ST8SIA4: variants seen among roughly 807,000 people sequenced by gnomAD.
The protein encoded by ST8SIA4 is CMP-N-acetylneuraminate-poly-alpha-2,8-sialyltransferase.
Under a neutral mutation model 33.9 loss-of-function variants are expected in ST8SIA4, and 15 were observed. That is an observed-to-expected ratio of 0.44 (90% confidence interval 0.30 to 0.68). The LOEUF is 0.68. Among genes scored for constraint, ST8SIA4 ranks in the 30% least tolerant of loss-of-function variants. The pLI is 0.10. For missense variants in ST8SIA4, 321 were observed against 428.0 expected (o/e 0.75, Z 2.21); for synonymous variants, 171 against 151.2 (o/e 1.13, Z -0.96).
chr5:100,811,062 A>C lies in ST8SIA4; in HGVS notation c.*785T>G, dbSNP rs11748306. 0.24 allele frequency: 36,205 copies of C among 151,966 alleles called. 5,469 individuals are homozygous for C. The highest frequency in any genetic ancestry group is 0.33 in the Non-Finnish European group (22,399 of 68,156). 9.4% of individuals were successfully genotyped at this position (151,966 alleles called of 1,614,324 possible). On this transcript the variant is annotated 3_prime_UTR_variant, in exon 5 of 5. Transcript: ENST00000231461. ...CGTGGTGGCAGGCGCCTGCAGTCCC[A>C]GCTACTCCGGAGGCTGAGGCAGGAG...
At chr5:100,840,035 A>G (rs982377289) in intron 4 of ST8SIA4, among the ~76,000 whole-genome samples, 4 of 151,650 alleles carry the variant, frequency 2.6e-5, no homozygotes, top group Non-Finnish European at 5.9e-5. Context: ...TAATATTTTC[A>G]ATTCATACGG....
At chr5:100,881,174 T>A (rs1752415725) in intron 3 of ST8SIA4, among the ~76,000 whole-genome samples, 1 of 152,184 alleles carries the variant, frequency 6.6e-6, no homozygotes, top group Admixed American at 6.5e-5. Context: ...ACGGTGATGT[T>A]CCAAAGTCAA....
intron 3 of ST8SIA4, among the ~76,000 whole-genome samples, chr5:100,872,092 CATTA>C (rs1752208462): frequency 6.6e-6 from 1 of 152,008 alleles, no homozygotes; most frequent in South Asian, 2.1e-4. Context: ...TCAACTCCTA[CATTA>C]ATTTTCTCAT....
chr5:100,899,360 ATGTGAAG>A (rs1282252618), intron 1 of ST8SIA4, among the ~76,000 whole-genome samples: 24 of 152,240 alleles, frequency 1.6e-4, no homozygotes, highest in Admixed American at 6.5e-5. Context: ...GAAATGTGAA[ATGTGAAG>A]TAAAGTGCAA....
chr5:100,893,267 A>T (rs1261562045), intron 2 of ST8SIA4, among the ~76,000 whole-genome samples: 1 of 152,152 alleles, frequency 6.6e-6, no homozygotes, highest in Non-Finnish European at 1.5e-5. Context: ...TATCAAACTG[A>T]TTAATACTCA....
chr5:100,848,951 T>TTTCA, intron 4 of ST8SIA4: 1 of 177,960 alleles, frequency 5.6e-6, no homozygotes, highest in Non-Finnish European at 1.1e-5. Context: ...TTCTTATATA[T>TTTCA]ATTTCTTCTG....
At position 100,808,484 on chromosome 5, in the gene ST8SIA4, G is replaced by GAAAA. The variant is rs1179581004; in HGVS notation, c.*3359_*3362dup. ...ACAGCACAGGCTGAATAATAATGAT[G>GAAAA]AAAATGTTTCCATGGTCTATTCATG... is the stretch of plus-strand genomic sequence containing the variant. On this transcript the variant is annotated 3_prime_UTR_variant, in exon 5 of 5. Coordinates refer to ENST00000231461, the MANE Select transcript of ST8SIA4 (RefSeq NM_005668.6). 1 of 152,538 alleles carries GAAAA rather than the reference G, an allele frequency of 6.6e-6. No homozygotes were observed. Among genetic ancestry groups the GAAAA allele is most frequent in the African/African-American group, 2.4e-5 (1 of 41,446 alleles). 9.4% of individuals were successfully genotyped at this position (152,538 alleles called of 1,614,324 possible). A position where few individuals can be genotyped will look rare whatever the true frequency, so the allele number is the denominator to read the frequency against.
chr5:100,855,041 T>C (rs1751785067), intron 4 of ST8SIA4, among the ~76,000 whole-genome samples: 2 of 152,212 alleles, frequency 1.3e-5, no homozygotes, highest in South Asian at 4.1e-4. Context: ...AATTCCCTTC[T>C]CAACCACATC....
In ST8SIA4 at chr5:100,830,362, A is replaced by G. The variant is rs555991258; in HGVS notation, c.798-18233T>C. Among the ~76,000 whole-genome samples the G allele has an allele frequency of 2.0e-5, 3 of 152,338 alleles. No individual in the cohort carries two copies. The South Asian group carries it at 6.2e-4, about 32-fold the overall frequency. ...AATGGGAATATTATTTACCTTATAGAGTTGTTATGGAGACCAAATAAAGTA... is the reference window on the plus strand; with the variant it reads ...AATGGGAATATTATTTACCTTATAGGGTTGTTATGGAGACCAAATAAAGTA... On this transcript the variant is annotated intron_variant, in intron 4 of 4. Coordinates refer to ENST00000231461, the MANE Select transcript of ST8SIA4 (RefSeq NM_005668.6).
intron 1 of ST8SIA4, among the ~76,000 whole-genome samples, chr5:100,902,091 C>T (rs1324066507): frequency 3.9e-5 from 6 of 152,126 alleles, no homozygotes; most frequent in Non-Finnish European, 8.8e-5. Context: ...TGCACCACCT[C>T]CTGGGTAAAC....
intron 4 of ST8SIA4, among the ~76,000 whole-genome samples, chr5:100,825,752 C>A (rs918749287): frequency 5.9e-5 from 9 of 152,048 alleles, no homozygotes; most frequent in Non-Finnish European, 2.9e-5. Context: ...AATAAATGTA[C>A]CTTTTCTAGC....
At chr5:100,900,737 T>G (rs1752889736) in intron 1 of ST8SIA4, among the ~76,000 whole-genome samples, 1 of 105,666 alleles carries the variant, frequency 9.5e-6, no homozygotes, top group South Asian at 3.4e-4. Context: ...AGTTGCCGAC[T>G]GAGCTTTGAA....
In ST8SIA4 at chr5:100,825,733, C is replaced by G. The variant is rs3776160; in HGVS notation, c.798-13604G>C. On this transcript the variant is annotated intron_variant, in intron 4 of 4. Transcript: ENST00000231461. ...TATATATTATTTATGAATAGGCTAT[C>G]GATATATAAATAAATGTACCTTTTC... 2.1e-4 allele frequency among the ~76,000 whole-genome samples: 32 copies of G among 152,098 alleles called. No individual in the cohort carries two copies. The East Asian group carries it at 4.8e-3, about 23-fold the overall frequency.
intron 4 of ST8SIA4, among the ~76,000 whole-genome samples, chr5:100,834,410 T>C (rs1580454861): frequency 6.6e-6 from 1 of 152,214 alleles, no homozygotes; most frequent in East Asian, 1.9e-4. Flanking sequence ...TGGTATCGAA[T>C]GGGGACATTA....
Position 100,807,602 on chromosome 5 carries a change from C to A in ST8SIA4, c.*4245G>T, listed in dbSNP as rs1750721398. Reference sequence around the variant, plus strand: ...TATTAAGATTTGGACATACTAGACCCTTACTGTAACTCTACGTATGAACGA... The same window carrying A: ...TATTAAGATTTGGACATACTAGACCATTACTGTAACTCTACGTATGAACGA... On this transcript the variant is annotated 3_prime_UTR_variant, in exon 5 of 5. Transcript: ENST00000231461. The A allele has an allele frequency of 6.6e-6, 1 of 152,474 alleles. No individual in the cohort carries two copies. The highest frequency in any genetic ancestry group is 6.6e-5 in the Admixed American group (1 of 15,266). 9.4% of individuals were successfully genotyped at this position (152,474 alleles called of 1,614,324 possible). A position where few individuals can be genotyped will look rare whatever the true frequency, so the allele number is the denominator to read the frequency against.
intron 3 of ST8SIA4, among the ~76,000 whole-genome samples, chr5:100,868,635 A>G (rs1752131263): frequency 6.6e-6 from 1 of 152,008 alleles, no homozygotes; most frequent in South Asian, 2.1e-4. Context: ...TTTTTGTTTT[A>G]TACATCCTAT....
At chr5:100,828,618 C>A (rs1751190538) in intron 4 of ST8SIA4, among the ~76,000 whole-genome samples, 1 of 152,136 alleles carries the variant, frequency 6.6e-6, no homozygotes, top group Non-Finnish European at 1.5e-5. Flanking sequence ...TCATGGGACC[C>A]CATAGACATC....
chr5:100,817,562 T>A (rs1750955889), intron 4 of ST8SIA4, among the ~76,000 whole-genome samples: 1 of 152,202 alleles, frequency 6.6e-6, no homozygotes, highest in African/African-American at 2.4e-5. Context: ...TTCCCTACTG[T>A]TAAAATAGTC....
At chr5:100,851,056 C>G (rs1305958442) in intron 4 of ST8SIA4, among the ~76,000 whole-genome samples, 1 of 141,966 alleles carries the variant, frequency 7.0e-6, no homozygotes, top group Admixed American at 7.5e-5. Flanking sequence ...GCCCCCTGGG[C>G]TTAAGCGATT....
Sources: allele counts gnomAD v4.1 joint callset (sites outside exome capture counted in the v4.1 genomes callset), GRCh38; gene constraint gnomAD v4.1.1; transcripts MANE v1.5; gene names NCBI Gene and HGNC (gene_info 2026-07-23, HGNC 2026-07-21).